THADA: variants seen among roughly 807,000 people sequenced by gnomAD.
THADA encodes tRNA (32-2'-O)-methyltransferase regulator THADA.
A neutral mutation model predicts 219.8 loss-of-function variants in THADA; 213 were observed. The ratio of observed to expected loss-of-function variants is 0.97; its 90% CI spans 0.87 to 1.09. The LOEUF (loss-of-function observed/expected upper bound fraction) is 1.09, where lower values mean the gene tolerates loss of function less well. Among genes scored for constraint, THADA ranks in the 50% least tolerant of loss-of-function variants. The pLI is 0.00. For synonymous variants in THADA, 1,018 were observed against 828.9 expected (o/e 1.23, Z -3.92); for missense variants, 2,956 against 2,311.3 (o/e 1.28, Z -5.72).
chr2:43,321,338 C>CT (rs1418790395), intron 30 of THADA, among the ~76,000 whole-genome samples: 1 of 152,202 alleles, frequency 6.6e-6, no homozygotes, highest in African/African-American at 2.4e-5. Context: ...CTTACAATCT[C>CT]TGTGACCTGA....
Position 43,398,094 on chromosome 2 carries a change from A to G in THADA, c.4104T>C (p.Arg1368=). The G allele has an allele frequency of 6.2e-7, 1 of 1,613,992 alleles. No individual in the cohort carries two copies. The highest frequency in any genetic ancestry group is 1.1e-5 in the South Asian group (1 of 91,078). The change falls in exon 29 of 38, where the codon CGT becomes CGC. Residue 1368 remains arginine, a synonymous_variant. Transcript: ENST00000405975. ...PVYHSREMAA[R]ALVPFVMIDH... ...CTATCATAACAAATGGGACCAAGGC[A>G]CGAGCTGCCATTTCACGGGAGTGGT... is the stretch of plus-strand genomic sequence containing the variant.
chr2:43,467,175 C>T (rs1173826966), intron 26 of THADA, among the ~76,000 whole-genome samples: 10 of 103,364 alleles, frequency 9.7e-5, no homozygotes, highest in African/African-American at 3.6e-4. Context: ...GAGCGAGACT[C>T]CGTCTCAAAA....
At chr2:43,480,700 C>A (rs1235664807) in intron 26 of THADA, among the ~76,000 whole-genome samples, 1 of 151,782 alleles carries the variant, frequency 6.6e-6, no homozygotes, top group East Asian at 1.9e-4. Flanking sequence ...CACCTGTAAT[C>A]CCAGCTACTC....
At chr2:43,252,129 A>G (rs1329943900) in intron 36 of THADA, among the ~76,000 whole-genome samples, 6 of 152,160 alleles carry the variant, frequency 3.9e-5, no homozygotes, top group African/African-American at 7.2e-5. Flanking sequence ...GCCTTCTTCA[A>G]TGACTGCGCC....
chr2:43,312,684 G>A (rs776818474), intron 31 of THADA, among the ~76,000 whole-genome samples: 5 of 151,350 alleles, frequency 3.3e-5, no homozygotes, highest in Non-Finnish European at 5.9e-5. Context: ...AGTGTTTTGG[G>A]GAAAACCAAC....
intron 25 of THADA, among the ~76,000 whole-genome samples, chr2:43,487,244 A>G (rs1326666780): frequency 1.3e-5 from 2 of 152,182 alleles, no homozygotes; most frequent in East Asian, 1.9e-4. Flanking sequence ...CTTGGTAAAG[A>G]TATCTGGGAC....
At chr2:43,529,946 GA>G (rs1439045324) in intron 21 of THADA, among the ~76,000 whole-genome samples, 1 of 152,102 alleles carries the variant, frequency 6.6e-6, no homozygotes, top group Non-Finnish European at 1.5e-5. Context: ...GTAATAAACT[GA>G]AAAGCTCAGA....
intron 28 of THADA, among the ~76,000 whole-genome samples, chr2:43,399,563 GT>G (rs1237033930): frequency 1.3e-5 from 2 of 152,074 alleles, no homozygotes; most frequent in African/African-American, 4.8e-5. Context: ...AGTATGGGGT[GT>G]TTAAAAAAAA....
chr2:43,293,949 T>C (rs1379884434), intron 31 of THADA, among the ~76,000 whole-genome samples: 1 of 152,206 alleles, frequency 6.6e-6, no homozygotes, highest in African/African-American at 2.4e-5. Flanking sequence ...ACTTTCTCTG[T>C]TCTGAACTGG....
intron 22 of THADA, among the ~76,000 whole-genome samples, chr2:43,523,911 G>A (rs188934128): frequency 8.3e-4 from 126 of 151,946 alleles, no homozygotes; most frequent in African/African-American, 2.9e-3. Context: ...TGTATCTTAC[G>A]GTTGGACAAA....
Position 43,230,999 on chromosome 2 carries a change from A to G in THADA, c.5811T>C (p.Ser1937=), listed in dbSNP as rs377552891. Residue 1937 remains serine, a synonymous_variant, in exon 38 of 38, where the codon TCT becomes TCC. Coordinates refer to ENST00000405975, the MANE Select transcript of THADA (RefSeq NM_022065.5). ...EDTLVLSVWD[S]YAESRQLTLP... ...GAGTTAACTGCCTCGATTCTGCATA[A>G]GAGTCCCAAACACTGAGAACTAGGG... is the stretch of plus-strand genomic sequence containing the variant. 6.2e-6 allele frequency: 10 copies of G among 1,613,866 alleles called. No homozygotes were observed. Among genetic ancestry groups the G allele is most frequent in the South Asian group, 1.1e-5 (1 of 91,062 alleles).
At position 43,511,367 on chromosome 2, in the gene THADA, A is replaced by G. The variant is rs553844580; in HGVS notation, c.3375-2587T>C. Among the ~76,000 whole-genome samples, 11 of 152,328 alleles carry G rather than the reference A, an allele frequency of 7.2e-5. No individual in the cohort carries two copies. In the South Asian group the frequency reaches 2.1e-3, roughly 29 times the overall value. On this transcript the variant is annotated intron_variant, in intron 22 of 37. Transcript: ENST00000405975. ...CCTGGGCCTCCCTGAGTGAGCCCGC[A>G]GAGGCTGTGGCAAAACCAACCACTC...
chr2:43,578,383 G>T, intron 9 of THADA, 130 bp downstream of exon 9: 1 of 512,336 alleles, frequency 2.0e-6, no homozygotes, highest in Non-Finnish European at 3.5e-6. Context: ...CTGGCCTCAA[G>T]TGACCCTCCT....
intron 26 of THADA, among the ~76,000 whole-genome samples, chr2:43,467,257 A>G (rs577350869): frequency 1.3e-5 from 2 of 151,540 alleles, no homozygotes; most frequent in Non-Finnish European, 1.5e-5. Context: ...GAAATACTGT[A>G]TATTATTTAA....
intron 30 of THADA, among the ~76,000 whole-genome samples, chr2:43,340,626 T>A (rs1167170802): frequency 1.3e-5 from 2 of 152,242 alleles, no homozygotes; most frequent in African/African-American, 4.8e-5. Context: ...CAACATTTTT[T>A]TCTTTGCAAA....
At chr2:43,295,061 C>A (rs548905133) in intron 31 of THADA, among the ~76,000 whole-genome samples, 1 of 152,018 alleles carries the variant, frequency 6.6e-6, no homozygotes, top group African/African-American at 2.4e-5. Context: ...GAGTTTGAGA[C>A]CAGCCTGGAC....
At chr2:43,298,606 T>TA (rs368669954) in intron 31 of THADA, among the ~76,000 whole-genome samples, 5,722 of 146,666 alleles carry the variant, frequency 0.039, 350 homozygotes, top group African/African-American at 0.13. Flanking sequence ...AAAAAAAAAT[T>TA]AAAAAAAAAA....
intron 31 of THADA, among the ~76,000 whole-genome samples, chr2:43,295,601 G>T (rs562393827): frequency 6.6e-6 from 1 of 152,198 alleles, no homozygotes; most frequent in African/African-American, 2.4e-5. Flanking sequence ...CAGCATTTAA[G>T]TGATACGCAT....
rs147716314 is a variant in THADA, at chr2:43,516,409, T to C, written c.3375-7629A>G. Among the ~76,000 whole-genome samples the C allele has an allele frequency of 9.2e-5, 14 of 152,286 alleles. No homozygotes were observed. In the East Asian group the frequency reaches 2.5e-3, roughly 27 times the overall value. On this transcript the variant is annotated intron_variant, in intron 22 of 37. Transcript: ENST00000405975. ...TATGCTCACACTACTCCAGTCATAA[T>C]TGGTTTACCTGATGTTCCTTAAATA... is the stretch of plus-strand genomic sequence containing the variant.
Sources: allele counts gnomAD v4.1 joint callset (sites outside exome capture counted in the v4.1 genomes callset), GRCh38; gene constraint gnomAD v4.1.1; transcripts MANE v1.5; gene names NCBI Gene and HGNC (gene_info 2026-07-23, HGNC 2026-07-21).